Variants in PPFIA1 observed in about 807,000 individuals in gnomAD.
The protein encoded by PPFIA1 is PPFI scaffold protein A1, also known as liprin-alpha-1.
A neutral mutation model predicts 149.9 loss-of-function variants in PPFIA1; 25 were observed. That is an observed-to-expected ratio of 0.17 (90% CI 0.12 to 0.23). The LOEUF is 0.23. Among genes scored for constraint, PPFIA1 ranks in the 10% least tolerant of loss-of-function variants. PPFIA1 has a pLI of 1.00. For synonymous variants in PPFIA1, 549 were observed against 552.8 expected (o/e 0.99, Z 0.10); for missense variants, 1,362 against 1,506.5 (o/e 0.90, Z 1.59).
chr11:70,334,704 A>G (rs2054865137), intron 10 of PPFIA1: 1 of 152,272 alleles, frequency 6.6e-6, no homozygotes, highest in Admixed American at 6.5e-5. Flanking sequence ...CCCAGTGCAG[A>G]AATTGGGCGC....
chr11:70,374,537 G>A (rs2057403650), intron 23 of PPFIA1: 1 of 174,958 alleles, frequency 5.7e-6, no homozygotes, highest in African/African-American at 2.4e-5. Context: ...CTCCATCCGT[G>A]ATGAAGTATT....
At position 70,335,654 on chromosome 11, in the gene PPFIA1, A is replaced by G. The variant is rs763697372; in HGVS notation, c.1388A>G (p.Gln463Arg). The change falls in exon 11 of 28, where the codon CAA becomes CGA. Residue 463 changes from glutamine to arginine, a missense_variant. Physicochemically the swap from Gln to Arg is conservative, Grantham distance 43 (BLOSUM62 1). Coordinates refer to ENST00000253925, the MANE Select transcript of PPFIA1 (RefSeq NM_003626.5). ...KLLSESNERLQLHLKERMAAL... is the reference protein window; with the variant it reads ...KLLSESNERLRLHLKERMAAL... ...CTTTCAGAATCTAATGAGAGGCTTCAACTTCATCTTAAAGAGAGAATGGCT... is the reference window on the plus strand; with the variant it reads ...CTTTCAGAATCTAATGAGAGGCTTCGACTTCATCTTAAAGAGAGAATGGCT... 5.0e-6 allele frequency: 8 copies of G among 1,614,000 alleles called. No homozygotes were observed. Among genetic ancestry groups the G allele is most frequent in the African/African-American group, 2.7e-5 (2 of 74,946 alleles).
intron 16 of PPFIA1, among the ~76,000 whole-genome samples, chr11:70,352,911 C>T (rs1280917922): frequency 2.0e-5 from 3 of 152,096 alleles, no homozygotes; most frequent in Non-Finnish European, 4.4e-5. Flanking sequence ...TAGCTGGCTG[C>T]GTGTCAGCTT....
At chr11:70,345,641 A>G (rs2055643456) in intron 15 of PPFIA1, among the ~76,000 whole-genome samples, 1 of 152,028 alleles carries the variant, frequency 6.6e-6, no homozygotes, top group Non-Finnish European at 1.5e-5. Flanking sequence ...TTGGCAACAT[A>G]GGAAGACCTC....
chr11:70,290,365 C>T (rs1310223128), intron 2 of PPFIA1, among the ~76,000 whole-genome samples: 1 of 152,194 alleles, frequency 6.6e-6, no homozygotes, highest in African/African-American at 2.4e-5. Context: ...GGGGTGAGGA[C>T]GTGTCTGGTT....
chr11:70,298,296 C>T (rs549283585), intron 2 of PPFIA1, among the ~76,000 whole-genome samples: 2 of 152,256 alleles, frequency 1.3e-5, no homozygotes, highest in Admixed American at 1.3e-4. Context: ...AAGGCCTATG[C>T]AGGAGGCAGT....
intron 10 of PPFIA1, among the ~76,000 whole-genome samples, chr11:70,335,120 T>TA (rs2054892087): frequency 6.6e-6 from 1 of 151,778 alleles, no homozygotes; most frequent in Non-Finnish European, 1.5e-5. Flanking sequence ...TCTAGCACAA[T>TA]TTTTTTTTCC....
intron 2 of PPFIA1, among the ~76,000 whole-genome samples, chr11:70,302,441 G>A (rs904419397): frequency 1.6e-4 from 25 of 152,210 alleles, no homozygotes; most frequent in Non-Finnish European, 2.2e-4. Context: ...ATGGAGATGG[G>A]CAGTGGAGTC....
At chr11:70,278,911 T>G in intron 2 of PPFIA1, 1 of 589,096 alleles carries the variant, frequency 1.7e-6, no homozygotes, top group South Asian at 1.6e-5. Flanking sequence ...CCAGGCAGCC[T>G]TTAGACAGTC....
chr11:70,349,824 T>G (rs2137251823), intron 16 of PPFIA1: 1 of 444,556 alleles, frequency 2.2e-6, no homozygotes, highest in South Asian at 1.6e-5. Flanking sequence ...TATGTATATA[T>G]ATTTTTTCTG....
intron 2 of PPFIA1, among the ~76,000 whole-genome samples, chr11:70,289,744 T>C (rs1237823093): frequency 1.3e-5 from 2 of 152,196 alleles, no homozygotes; most frequent in African/African-American, 4.8e-5. Flanking sequence ...TTTTTAAGTG[T>C]TGGCATTACA....
At chr11:70,287,720 C>T (rs561044044) in intron 2 of PPFIA1, among the ~76,000 whole-genome samples, 30 of 152,042 alleles carry the variant, frequency 2.0e-4, no homozygotes, top group African/African-American at 6.5e-4. Flanking sequence ...CACAGCTCAC[C>T]GTATTCTCAG....
Position 70,382,176 on chromosome 11 carries a change from C to T in PPFIA1, c.*12+18C>T. 1 of 1,599,734 alleles carries T rather than the reference C, an allele frequency of 6.3e-7. No homozygotes were observed. Among genetic ancestry groups the T allele is most frequent in the Non-Finnish European group, 8.6e-7 (1 of 1,168,614 alleles). On this transcript the variant is annotated intron_variant, in intron 27 of 27. Transcript: ENST00000253925. Reference sequence around the variant, plus strand: ...TCCTGTTGGTGAGTAGAGAGCACCACAACCCCTAGAGATGGCTCAGAGGCA... The same window carrying T: ...TCCTGTTGGTGAGTAGAGAGCACCATAACCCCTAGAGATGGCTCAGAGGCA...
chr11:70,363,656 G>GA, intron 21 of PPFIA1, among the ~76,000 whole-genome samples: 1 of 152,194 alleles, frequency 6.6e-6, no homozygotes, highest in African/African-American at 2.4e-5. Context: ...TGGGACTACA[G>GA]GTGTGCACCA....
At chr11:70,285,365 G>T (rs72945168) in intron 2 of PPFIA1, among the ~76,000 whole-genome samples, 4 of 151,782 alleles carry the variant, frequency 2.6e-5, no homozygotes, top group Non-Finnish European at 5.9e-5. Context: ...CAAGTGCATG[G>T]GTTTGGGCTA....
intron 15 of PPFIA1, 59 bp downstream of exon 15, chr11:70,343,951 C>A: frequency 1.4e-6 from 2 of 1,450,988 alleles, no homozygotes; most frequent in Non-Finnish European, 1.9e-6. Flanking sequence ...GGAATCTCAT[C>A]TTGCCTGGAA....
At chr11:70,378,620 C>G in intron 26 of PPFIA1, 1 of 270,312 alleles carries the variant, frequency 3.7e-6, no homozygotes, top group Non-Finnish European at 5.7e-6. Context: ...TAAGAACACA[C>G]AGTTTCCAGC....
chr11:70,365,556 A>G (rs2056880533), intron 21 of PPFIA1: 1 of 395,314 alleles, frequency 2.5e-6, no homozygotes, highest in Non-Finnish European at 5.1e-6. Context: ...CCAGATAAGT[A>G]TTTCCTTTAG....
Position 70,339,298 on chromosome 11 carries a change from C to A in PPFIA1, c.1699C>A (p.Pro567Thr), listed in dbSNP as rs747155912. The change falls in exon 14 of 28, where the codon CCT becomes ACT. Residue 567 changes from proline to threonine, a missense_variant. Around this residue, in one of 7 missense-constraint regions of PPFIA1, gnomAD observed 733 missense variants for 744.1 expected, o/e 0.99. Transcript: ENST00000253925. ...KGRLAALRDE[P>T]SKVQTLNEQD... ...CCGGCTGGCAGCCCTGCGAGATGAG[C>A]CTTCCAAGGCAAGGTCTTTGTGTGA... The A allele has an allele frequency of 2.5e-6, 4 of 1,613,162 alleles. No homozygotes were observed. The South Asian group carries it at 3.3e-5, about 13-fold the overall frequency.
Sources: allele counts gnomAD v4.1 joint callset (sites outside exome capture counted in the v4.1 genomes callset), GRCh38; gene constraint gnomAD v4.1.1; regional missense constraint gnomAD v4.1.1; transcripts MANE v1.5; gene names NCBI Gene and HGNC (gene_info 2026-07-23, HGNC 2026-07-21).